CARD10: variants seen among roughly 807,000 people sequenced by gnomAD.
CARD10 encodes the protein caspase recruitment domain-containing protein 10.
Under a neutral mutation model 114.6 loss-of-function variants are expected in CARD10, and 49 were observed. The ratio of observed to expected loss-of-function variants is 0.43; its 90% CI spans 0.34 to 0.54. The LOEUF is 0.54. Ranked by LOEUF, CARD10 falls within the 20% of genes least tolerant of loss-of-function variation. CARD10 has a pLI of 0.03. For missense variants in CARD10, 1,206 were observed against 1,397.2 expected, an observed-to-expected ratio of 0.86 and a Z score of 2.18; for synonymous variants, 602 against 593.2, an observed-to-expected ratio of 1.01 and a Z score of -0.21.
chr22:37,512,464 TCCACAC>T (rs1923690387), intron 3 of CARD10, among the ~76,000 whole-genome samples: 1 of 43,152 alleles, frequency 2.3e-5, no homozygotes, highest in Non-Finnish European at 4.2e-5. Context: ...CAGCCCCCCC[TCCACAC>T]ACACACACAC....
chr22:37,509,168 A>C, intron 4 of CARD10: 2 of 1,442,166 alleles, frequency 1.4e-6, no homozygotes, highest in Non-Finnish European at 1.8e-6. Context: ...CATGAAACAC[A>C]CTGGCTCTCA....
At chr22:37,515,524 C>T (rs1474731417) in intron 3 of CARD10, among the ~76,000 whole-genome samples, 2 of 147,082 alleles carry the variant, frequency 1.4e-5, no homozygotes, top group Admixed American at 6.8e-5. Flanking sequence ...GATCACACCA[C>T]TGCACTCCAG....
chr22:37,493,743 G>A (rs565928809), intron 16 of CARD10, among the ~76,000 whole-genome samples: 5 of 152,120 alleles, frequency 3.3e-5, no homozygotes, highest in East Asian at 1.9e-4. Flanking sequence ...TACTGCCTCC[G>A]GGAACCCCCC....
chr22:37,507,703 T>C (rs1319790809), intron 6 of CARD10, 126 bp downstream of exon 6: 15 of 1,231,246 alleles, frequency 1.2e-5, no homozygotes, highest in Non-Finnish European at 1.7e-5. Flanking sequence ...TTGTGCCCCG[T>C]CCTAACCCAA....
chr22:37,502,007 C>T (rs1923232147), intron 11 of CARD10, among the ~76,000 whole-genome samples: 1 of 152,216 alleles, frequency 6.6e-6, no homozygotes, highest in Admixed American at 6.5e-5. Flanking sequence ...CCCGCTCTGC[C>T]CCACCCCTCC....
intron 11 of CARD10, 87 bp downstream of exon 11, chr22:37,502,515 G>C: frequency 7.0e-7 from 1 of 1,437,718 alleles, no homozygotes; most frequent in East Asian, 2.3e-5. Context: ...CATAAAACAG[G>C]GGCGAGGCAA....
chr22:37,518,973 G>A lies in CARD10; in HGVS notation c.228C>T (p.Asn76=). 6.5e-7 allele frequency: 1 copy of A among 1,539,646 alleles called. No homozygotes were observed. The highest frequency in any genetic ancestry group is 8.7e-7 in the Non-Finnish European group (1 of 1,145,642). Residue 76 remains asparagine (N), a synonymous_variant, in exon 1 of 20, where the codon AAC becomes AAT. Coordinates refer to ENST00000251973, the MANE Select transcript of CARD10 (RefSeq NM_014550.4). The part of the protein sequence containing the change: ...LSTYRFPCRV[N]RTGRLMDILR... ...TCGGGACCCGCGGCTCACCGGTGCGGTTGACGCGGCACGGGAAGCGGTAGG... is the reference window on the plus strand; with the variant it reads ...TCGGGACCCGCGGCTCACCGGTGCGATTGACGCGGCACGGGAAGCGGTAGG...
At chr22:37,499,545 C>T (rs1331436786) in intron 11 of CARD10, among the ~76,000 whole-genome samples, 1 of 151,900 alleles carries the variant, frequency 6.6e-6, no homozygotes, top group Non-Finnish European at 1.5e-5. Flanking sequence ...CACACCTCTC[C>T]CCTCTGCAAT....
intron 11 of CARD10, among the ~76,000 whole-genome samples, chr22:37,498,910 G>C (rs535768129): frequency 7.4e-6 from 1 of 135,402 alleles, no homozygotes; most frequent in Non-Finnish European, 1.6e-5. Flanking sequence ...GGGGGTGGGG[G>C]GGGGGGGCAC....
rs748408495 is a variant in CARD10, at chr22:37,496,536, C to T, written c.1972G>A (p.Glu658Lys). Residue 658 changes from glutamate (E) to lysine (K), a missense_variant, in exon 13 of 20, where the codon GAG becomes AAG. Glu to Lys is a moderately conservative substitution (Grantham distance 56). Transcript: ENST00000251973. The surrounding 1 kb of genome is among the most constrained non-coding windows in gnomAD (Gnocchi z 4.1). ...REQRVEAAGL[E>K]GACLEAEAQQ... ...GCCTCGGCTTCCAGGCACGCCCCCTCCAGACCAGCAGCTTCCACCCTTTGC... is the reference window on the plus strand; with the variant it reads ...GCCTCGGCTTCCAGGCACGCCCCCTTCAGACCAGCAGCTTCCACCCTTTGC... The T allele has an allele frequency of 2.5e-6, 4 of 1,613,712 alleles. No homozygotes were observed. The highest frequency in any genetic ancestry group is 1.7e-6 in the Non-Finnish European group (2 of 1,179,864).
intron 3 of CARD10, among the ~76,000 whole-genome samples, chr22:37,513,532 G>A (rs56385951): frequency 0.14 from 21,288 of 151,872 alleles, 1,722 homozygotes; most frequent in South Asian, 0.22. Context: ...TGTCCCAGCA[G>A]CCCCCAGATG....
At chr22:37,493,619 TC>T (rs990861743) in intron 16 of CARD10, among the ~76,000 whole-genome samples, 3 of 151,606 alleles carry the variant, frequency 2.0e-5, no homozygotes, top group African/African-American at 7.3e-5. Context: ...CCGCGGAAAC[TC>T]CCTCTCTTCC....
intron 7 of CARD10, 86 bp from the exon 8 acceptor site, chr22:37,504,855 A>G (rs2145764282): frequency 1.4e-6 from 1 of 727,294 alleles, no homozygotes; most frequent in South Asian, 3.7e-5. Context: ...GCCATGTGCC[A>G]GCACAGGGAC....
chr22:37,518,186 T>C, intron 1 of CARD10, 78 bp from the exon 2 acceptor site: 1 of 1,455,756 alleles, frequency 6.9e-7, no homozygotes, highest in Non-Finnish European at 9.5e-7. Context: ...GCCCCCACCA[T>C]GCTCCAGGCC....
In CARD10 at chr22:37,492,547, C is replaced by T. The variant is rs756125523; in HGVS notation, c.2639G>A (p.Ser880Asn). 1.9e-6 allele frequency: 3 copies of T among 1,601,032 alleles called. No individual in the cohort carries two copies. Among genetic ancestry groups the T allele is most frequent in the Non-Finnish European group, 2.6e-6 (3 of 1,172,440 alleles). The change falls in exon 18 of 20, where the codon AGC becomes AAC. Residue 880 changes from serine to asparagine, a missense_variant. Ser to Asn is a conservative substitution (Grantham distance 46). This residue lies in a region of CARD10 where 1,068 missense variants were observed against 1,179.1 expected (regional missense o/e 0.91). Coordinates refer to ENST00000251973, the MANE Select transcript of CARD10 (RefSeq NM_014550.4). The surrounding 1 kb of genome is among the most constrained non-coding windows in gnomAD (Gnocchi z 5.7). ...RLDFQVCPAE[S>N]LSGEELCPSS... ...TGGGCACAGTTCCTCCCCAGAGAGG[C>T]TTTCTGCACAGGGAGTGGAGAGGGA... is the stretch of plus-strand genomic sequence containing the variant.
rs941171707 is a variant in CARD10 at position 37,518,112 on chromosome 22, C to T, written c.236-4G>A. The T allele has an allele frequency of 1.2e-6, 2 of 1,613,348 alleles. No individual in the cohort carries two copies. Among genetic ancestry groups the T allele is most frequent in the African/African-American group, 2.7e-5 (2 of 74,920 alleles). The stretch of plus-strand genomic sequence containing the variant: ...CGCAAGATGTCCATCAGGCGCCCTA[C>T]AGAGTAGTGGGGGGATGTACCCAGG... On this transcript the variant is annotated splice_polypyrimidine_tract_variant and splice_region_variant and intron_variant, in intron 1 of 19. Coordinates refer to ENST00000251973, the MANE Select transcript of CARD10 (RefSeq NM_014550.4).
intron 9 of CARD10, chr22:37,503,893 A>G (rs974346068): frequency 1.9e-6 from 1 of 539,452 alleles, no homozygotes; most frequent in Non-Finnish European, 3.5e-6. Flanking sequence ...GTCCTGAACC[A>G]TCAAGCTTCT....
chr22:37,510,698 C>A (rs537460887), intron 3 of CARD10: 2 of 455,646 alleles, frequency 4.4e-6, no homozygotes, highest in South Asian at 3.7e-5. Context: ...CATCACGACA[C>A]GCTGTCTGTC....
chr22:37,510,324 T>G lies in CARD10; in HGVS notation c.797A>C (p.Lys266Thr). The G allele has an allele frequency of 1.2e-6, 2 of 1,610,982 alleles. No homozygotes were observed. The highest frequency in any genetic ancestry group is 1.7e-6 in the Non-Finnish European group (2 of 1,179,620). The change falls in exon 4 of 20, where the codon AAG becomes ACG. Residue 266 changes from lysine to threonine, a missense_variant. Transcript: ENST00000251973. Reference protein sequence around the residue: ...GPPPGAEEKEKEKEKEKEPDN... With the variant: ...GPPPGAEEKETEKEKEKEPDN... ...TGGCTCCTTCTCCTTCTCCTTCTCCTTCTCCTTCTCCTCTGCCCCAGGGGG... is the reference window on the plus strand; with the variant it reads ...TGGCTCCTTCTCCTTCTCCTTCTCCGTCTCCTTCTCCTCTGCCCCAGGGGG...
Sources: allele counts gnomAD v4.1 joint callset (sites outside exome capture counted in the v4.1 genomes callset), GRCh38; gene constraint gnomAD v4.1.1; regional missense constraint gnomAD v4.1.1; non-coding constraint Gnocchi (gnomAD v3.1); transcripts MANE v1.5; gene names NCBI Gene and HGNC (gene_info 2026-07-23, HGNC 2026-07-21).